Variants in PALLD observed in about 807,000 individuals in gnomAD.
The protein encoded by PALLD is palladin, cytoskeletal associated protein.
In PALLD, 61 loss-of-function variants were observed where a neutral mutation model predicts 123.5. The observed-to-expected ratio is 0.49, with a 90% confidence interval of 0.40 to 0.61. The LOEUF is 0.61. Ranked by LOEUF, PALLD falls within the 20% of genes least tolerant of loss-of-function variation. PALLD has a pLI of 0.00. For synonymous variants in PALLD, 465 were observed against 496.4 expected (o/e 0.94, Z 0.84); for missense variants, 1,273 against 1,377.0 (o/e 0.92, Z 1.20).
intron 10 of PALLD, among the ~76,000 whole-genome samples, chr4:168,830,252 A>T (rs1744007148): frequency 6.6e-6 from 1 of 150,430 alleles, no homozygotes; most frequent in Admixed American, 6.6e-5. Flanking sequence ...AAAAAAAAAA[A>T]AGTTATAGGC....
Position 168,649,346 on chromosome 4 carries a change from A to G in PALLD, c.909-18844A>G, listed in dbSNP as rs146351447. ...CATTTGTTTTCTTTAATCAGATTCA[A>G]TTTGATTCTTATTAAGACCATGTTT... On this transcript the variant is annotated intron_variant, in intron 2 of 21. Transcript: ENST00000505667. Among the ~76,000 whole-genome samples, 486 of 152,298 alleles carry G rather than the reference A, an allele frequency of 3.2e-3. 1 individual carries two copies. Among genetic ancestry groups the G allele is most frequent in the African/African-American group, 0.011 (469 of 41,576 alleles).
intron 10 of PALLD, among the ~76,000 whole-genome samples, chr4:168,715,461 C>A (rs1034868123): frequency 3.3e-5 from 5 of 152,214 alleles, no homozygotes; most frequent in Admixed American, 2.0e-4. Flanking sequence ...TCAATCACAT[C>A]ATGAAAGAAG....
intron 21 of PALLD, 61 bp from the exon 22 acceptor site, chr4:168,926,152 A>G: frequency 7.6e-7 from 1 of 1,320,750 alleles, no homozygotes. Flanking sequence ...TATTTGAAAT[A>G]TCTAAAGGCT....
intron 15 of PALLD, among the ~76,000 whole-genome samples, chr4:168,904,982 C>G (rs573906306): frequency 6.6e-6 from 1 of 151,834 alleles, no homozygotes; most frequent in South Asian, 2.1e-4. Context: ...CAAAAATTAG[C>G]CAGGTGTGGT....
chr4:168,595,258 T>C (rs1771861270), intron 2 of PALLD, among the ~76,000 whole-genome samples: 2 of 152,154 alleles, frequency 1.3e-5, no homozygotes, highest in Admixed American at 1.3e-4. Context: ...CTAGAACCAA[T>C]TAAATACTGG....
chr4:168,600,216 T>G (rs1240140678), intron 2 of PALLD, among the ~76,000 whole-genome samples: 1 of 152,208 alleles, frequency 6.6e-6, no homozygotes, highest in Non-Finnish European at 1.5e-5. Flanking sequence ...ATTAATAGTT[T>G]GGCCACAATT....
At chr4:168,580,300 A>C (rs899162666) in intron 2 of PALLD, among the ~76,000 whole-genome samples, 3 of 151,874 alleles carry the variant, frequency 2.0e-5, no homozygotes, top group Non-Finnish European at 4.4e-5. Flanking sequence ...GCATCCATCA[A>C]CAGATGGGCA....
At chr4:168,748,260 A>G (rs1282375439) in intron 10 of PALLD, among the ~76,000 whole-genome samples, 1 of 152,220 alleles carries the variant, frequency 6.6e-6, no homozygotes, top group Non-Finnish European at 1.5e-5. Context: ...ATTTGTGGAA[A>G]ATGCAAATTT....
chr4:168,608,853 T>TC (rs2149755464), intron 2 of PALLD, among the ~76,000 whole-genome samples: 1 of 148,952 alleles, frequency 6.7e-6, no homozygotes, highest in East Asian at 1.9e-4. Context: ...TATAACTATT[T>TC]TTTTTTTTTT....
At chr4:168,501,571 G>T (rs1761407137) in intron 1 of PALLD, among the ~76,000 whole-genome samples, 1 of 152,208 alleles carries the variant, frequency 6.6e-6, no homozygotes, top group Non-Finnish European at 1.5e-5. Context: ...ATTCTGTAAT[G>T]ACTCACAATA....
chr4:168,608,929 CT>C (rs1257609068), intron 2 of PALLD, among the ~76,000 whole-genome samples: 1 of 151,860 alleles, frequency 6.6e-6, no homozygotes, highest in African/African-American at 2.4e-5. Context: ...GGACATCCCC[CT>C]GAGGCACCCA....
chr4:168,810,219 T>C (rs1160281358), intron 10 of PALLD, among the ~76,000 whole-genome samples: 2 of 151,796 alleles, frequency 1.3e-5, no homozygotes, highest in Non-Finnish European at 2.9e-5. Flanking sequence ...AGAGCATATA[T>C]AGACCATGTT....
At chr4:168,714,855 A>C (rs1251039483) in intron 10 of PALLD, among the ~76,000 whole-genome samples, 1 of 139,302 alleles carries the variant, frequency 7.2e-6, no homozygotes, top group Non-Finnish European at 1.5e-5. Flanking sequence ...GATCATTTTC[A>C]AAAAAAAAAA....
At chr4:168,705,456 T>G (rs1784134917) in intron 8 of PALLD, among the ~76,000 whole-genome samples, 5 of 152,190 alleles carry the variant, frequency 3.3e-5, no homozygotes, top group Admixed American at 3.3e-4. Context: ...CTTAAAACCT[T>G]TCCTTAACAA....
intron 10 of PALLD, among the ~76,000 whole-genome samples, chr4:168,847,623 T>C (rs985761881): frequency 2.2e-4 from 34 of 152,234 alleles, no homozygotes; most frequent in African/African-American, 8.2e-4. Context: ...ATGTGGGAAA[T>C]TCTTTACATT....
At chr4:168,899,713 T>TGCC (rs1282444018) in intron 14 of PALLD, among the ~76,000 whole-genome samples, 1 of 152,096 alleles carries the variant, frequency 6.6e-6, no homozygotes, top group African/African-American at 2.4e-5. Flanking sequence ...GCTCAGGAGT[T>TGCC]CGAGACCAGC....
chr4:168,860,260 T>A (rs769472712), intron 10 of PALLD, among the ~76,000 whole-genome samples: 1 of 152,330 alleles, frequency 6.6e-6, no homozygotes, highest in South Asian at 2.1e-4. Context: ...GGAGTTGATA[T>A]GGTGGAGAAG....
intron 17 of PALLD, among the ~76,000 whole-genome samples, chr4:168,917,676 A>G (rs1258432234): frequency 6.6e-6 from 1 of 152,206 alleles, no homozygotes; most frequent in East Asian, 1.9e-4. Flanking sequence ...TTCTTCAGAA[A>G]GTAAATCTGG....
chr4:168,594,335 G>T (rs1169512720), intron 2 of PALLD, among the ~76,000 whole-genome samples: 2 of 152,124 alleles, frequency 1.3e-5, no homozygotes, highest in East Asian at 3.9e-4. Flanking sequence ...CTTAGAATAA[G>T]CTTTACCTTA....
Sources: gnomAD v4.1 joint callset for allele counts (sites outside exome capture counted in the v4.1 genomes callset) on GRCh38, gnomAD v4.1.1 for gene constraint, MANE v1.5 for transcripts, NCBI Gene and HGNC (gene_info 2026-07-23, HGNC 2026-07-21) for gene names.